Variants in S100PBP observed in about 807,000 individuals in gnomAD.
S100PBP encodes the protein S100P-binding protein.
In S100PBP, 15 loss-of-function variants were observed where a neutral mutation model predicts 39.9. The ratio of observed to expected loss-of-function variants is 0.38; its 90% CI spans 0.25 to 0.58. The LOEUF is 0.58. Among genes scored for constraint, S100PBP ranks in the 20% least tolerant of loss-of-function variants. The pLI is 0.70. For missense variants in S100PBP, 504 were observed against 487.3 expected (o/e 1.03, Z -0.32); for synonymous variants, 178 against 180.3 (o/e 0.99, Z 0.10).
intron 5 of S100PBP, among the ~76,000 whole-genome samples, chr1:32,848,897 A>G (rs1640494263): frequency 6.6e-6 from 1 of 152,086 alleles, no homozygotes; most frequent in Non-Finnish European, 1.5e-5. Context: ...AGTCTTTACC[A>G]CCTTTTTGCC....
At chr1:32,818,993 C>T (rs1638909785) in intron 1 of S100PBP, among the ~76,000 whole-genome samples, 1 of 152,124 alleles carries the variant, frequency 6.6e-6, no homozygotes. Context: ...AGGATGTGGG[C>T]TTGCATCTGG....
At chr1:32,830,274 A>G (rs1438303105) in intron 5 of S100PBP, among the ~76,000 whole-genome samples, 2 of 152,234 alleles carry the variant, frequency 1.3e-5, no homozygotes, top group African/African-American at 2.4e-5. Context: ...AGAGGGATCT[A>G]AGCACGTTTA....
chr1:32,831,050 A>T (rs1169955895), intron 5 of S100PBP, among the ~76,000 whole-genome samples: 2 of 149,966 alleles, frequency 1.3e-5, no homozygotes, highest in South Asian at 4.3e-4. Flanking sequence ...GTCGCACTTT[A>T]ACATGGGTGA....
Position 32,825,310 on chromosome 1 carries a change from C to A in S100PBP, c.-119-3C>A, listed in dbSNP as rs1639275053. The A allele has an allele frequency of 6.6e-6, 1 of 152,062 alleles. No individual in the cohort carries two copies. The highest frequency in any genetic ancestry group is 2.1e-4 in the South Asian group (1 of 4,828). The allele number at this position is 152,062 out of a possible 1,614,324, so 9.4% of individuals were successfully genotyped here. A position where few individuals can be genotyped will look rare whatever the true frequency, so the allele number is the denominator to read the frequency against. ...GATCCTCTAATTTTCTTTTTGCCTGCAGGAAGGTGGGAGTCAATCATTTTG... is the reference window on the plus strand; with the variant it reads ...GATCCTCTAATTTTCTTTTTGCCTGAAGGAAGGTGGGAGTCAATCATTTTG... On this transcript the variant is annotated splice_region_variant and splice_polypyrimidine_tract_variant and intron_variant, in intron 1 of 6. Coordinates refer to ENST00000373475, the MANE Select transcript of S100PBP (RefSeq NM_022753.4).
chr1:32,837,177 A>AAAAAAAT (rs1639865808), intron 5 of S100PBP: 1 of 150,406 alleles, frequency 6.6e-6, no homozygotes, highest in African/African-American at 2.4e-5. Flanking sequence ...AAAAAAAAAA[A>AAAAAAAT]AGAAATTTGA....
intron 5 of S100PBP, among the ~76,000 whole-genome samples, chr1:32,833,297 G>C (rs985400703): frequency 6.6e-6 from 1 of 151,950 alleles, no homozygotes; most frequent in African/African-American, 2.4e-5. Context: ...ATAACTTCTA[G>C]TGGTAGTTCC....
rs757114211 is a variant in S100PBP, at chr1:32,826,166, C to T, written c.67C>T (p.Pro23Ser). ...CTCTCTCTTGCCTAAAGACGGTGCCCCATTTTCTTGGGATTCCTTGGATGA... is the reference window on the plus strand; with the variant it reads ...CTCTCTCTTGCCTAAAGACGGTGCCTCATTTTCTTGGGATTCCTTGGATGA... ...GTSLLPKDGA[P>S]FSWDSLDEDG... The change falls in exon 3 of 7, where the codon CCA becomes TCA. Residue 23 changes from proline (P) to serine (S), a missense_variant. Transcript: ENST00000373475. 6.2e-7 allele frequency: 1 copy of T among 1,613,926 alleles called. No individual in the cohort carries two copies. The highest frequency in any genetic ancestry group is 1.3e-5 in the African/African-American group (1 of 74,876).
intron 5 of S100PBP, among the ~76,000 whole-genome samples, chr1:32,833,098 T>G (rs1000723367): frequency 5.9e-5 from 9 of 152,160 alleles, no homozygotes; most frequent in African/African-American, 2.2e-4. Context: ...AAAAGGATCA[T>G]TAAGAGCTTC....
chr1:32,835,598 T>C lies in S100PBP; in HGVS notation c.1024+5531T>C, dbSNP rs181690807. ...GTCTCTGGTAACCACCATTCTACTT[T>C]CTTTTTTTTTAAATATGACTACTTT... On this transcript the variant is annotated intron_variant, in intron 5 of 6. Transcript: ENST00000373475. The C allele has an allele frequency of 5.3e-5, 8 of 152,128 alleles. No homozygotes were observed. In the South Asian group the frequency reaches 1.0e-3, roughly 20 times the overall value. The allele number at this position is 152,128 out of a possible 1,614,324, so 9.4% of individuals were successfully genotyped here. A position where few individuals can be genotyped will look rare whatever the true frequency, so the allele number is the denominator to read the frequency against.
chr1:32,855,864 G>A (rs1365979828), intron 6 of S100PBP, 60 bp from the exon 7 acceptor site: 6 of 1,067,130 alleles, frequency 5.6e-6, no homozygotes, highest in Middle Eastern at 2.1e-4. Context: ...CTTTTTTTGT[G>A]TACAAATAGC....
upstream of S100PBP, chr1:32,817,604 G>A: frequency 5.1e-6 from 2 of 391,060 alleles, no homozygotes; most frequent in South Asian, 6.7e-5. Context: ...CTCGGGGTAG[G>A]GGAGGTCGGG....
At chr1:32,838,586 T>C (rs1639950868) in intron 5 of S100PBP, among the ~76,000 whole-genome samples, 1 of 152,160 alleles carries the variant, frequency 6.6e-6, no homozygotes, top group Admixed American at 6.5e-5. Context: ...CTCACGCCTG[T>C]AATCCCAGCA....
intron 5 of S100PBP, among the ~76,000 whole-genome samples, chr1:32,839,977 A>C (rs995920348): frequency 1.3e-5 from 2 of 150,284 alleles, no homozygotes; most frequent in Non-Finnish European, 3.0e-5. Flanking sequence ...ACACCTGACT[A>C]ATTTTTTGTT....
chr1:32,832,669 T>C (rs1191752096), intron 5 of S100PBP, among the ~76,000 whole-genome samples: 1 of 152,216 alleles, frequency 6.6e-6, no homozygotes, highest in Non-Finnish European at 1.5e-5. Flanking sequence ...CCTCCATTTG[T>C]ATGTGAATTA....
intron 1 of S100PBP, among the ~76,000 whole-genome samples, chr1:32,823,303 G>C (rs985928574): frequency 6.6e-6 from 1 of 152,114 alleles, no homozygotes; most frequent in African/African-American, 2.4e-5. Flanking sequence ...TTAAGTCAAA[G>C]AATGTTTTCC....
chr1:32,822,333 C>T (rs1487369253), intron 1 of S100PBP, among the ~76,000 whole-genome samples: 1 of 152,114 alleles, frequency 6.6e-6, no homozygotes, highest in Non-Finnish European at 1.5e-5. Flanking sequence ...GAGGAAATGG[C>T]CGGGCGCGGT....
At position 32,855,935 on chromosome 1, in the gene S100PBP, G is replaced by A. The variant is rs1430335030; in HGVS notation, c.1124G>A (p.Arg375His). 12 of 1,611,914 alleles carry A rather than the reference G, an allele frequency of 7.4e-6. No individual in the cohort carries two copies. Among genetic ancestry groups the A allele is most frequent in the East Asian group, 2.2e-5 (1 of 44,780 alleles). ...CCCTCTCTCGATAGAAACTACGCCC[G>A]CCGACAGAAACATCTGCAAAGATAC... ...PSDLTTRNYA[R>H]RQKHLQRYSL... The change falls in exon 7 of 7, where the codon CGC becomes CAC. Residue 375 changes from arginine to histidine, a missense_variant. By Grantham distance (29) the Arg-to-His change is conservative. Coordinates refer to ENST00000373475, the MANE Select transcript of S100PBP (RefSeq NM_022753.4).
chr1:32,819,333 C>T (rs1638932661), intron 1 of S100PBP, among the ~76,000 whole-genome samples: 1 of 152,042 alleles, frequency 6.6e-6, no homozygotes, highest in Non-Finnish European at 1.5e-5. Context: ...TTGGGGAGGC[C>T]GAGGCCGGAG....
intron 1 of S100PBP, among the ~76,000 whole-genome samples, chr1:32,821,127 G>A (rs1432855797): frequency 1.3e-5 from 2 of 151,784 alleles, no homozygotes; most frequent in East Asian, 1.9e-4. Flanking sequence ...AGCCTAAGAT[G>A]AGATATTGTT....
Sources: gnomAD v4.1 joint callset for allele counts (sites outside exome capture counted in the v4.1 genomes callset) on GRCh38, gnomAD v4.1.1 for gene constraint, MANE v1.5 for transcripts, NCBI Gene and HGNC (gene_info 2026-07-23, HGNC 2026-07-21) for gene names.